Variants in CAPN13 observed in about 807,000 individuals in gnomAD.
CAPN13 encodes the protein calpain-13.
Under a neutral mutation model 98.4 loss-of-function variants are expected in CAPN13, and 90 were observed. The ratio of observed to expected loss-of-function variants is 0.92; its 90% CI spans 0.77 to 1.09. The LOEUF is 1.09. Ranked by LOEUF, CAPN13 falls within the 50% of genes least tolerant of loss-of-function variation. CAPN13 has a pLI of 0.00. For missense variants in CAPN13, 887 were observed against 841.3 expected (o/e 1.05, Z -0.67); for synonymous variants, 330 against 305.5 (o/e 1.08, Z -0.84).
chr2:30,787,766 G>T (rs1379293116), intron 1 of CAPN13, among the ~76,000 whole-genome samples: 3 of 152,288 alleles, frequency 2.0e-5, no homozygotes, highest in African/African-American at 7.2e-5. Context: ...TGGGATGGGG[G>T]CAGAGAGGGT....
Position 30,742,322 on chromosome 2 carries a change from C to T in CAPN13, c.1479+4G>A, listed in dbSNP as rs761885509. On this transcript the variant is annotated splice_donor_region_variant and intron_variant, in intron 14 of 22. Coordinates refer to ENST00000295055, the MANE Select transcript of CAPN13 (RefSeq NM_144575.3). Reference sequence around the variant, plus strand: ...TCGCCAGCCAAACCTTGCTGCATACCTACCTTCATTCTGAGGTTGAAATGG... The same window carrying T: ...TCGCCAGCCAAACCTTGCTGCATACTTACCTTCATTCTGAGGTTGAAATGG... 1.2e-6 allele frequency: 2 copies of T among 1,602,844 alleles called. No individual in the cohort carries two copies. The highest frequency in any genetic ancestry group is 1.3e-5 in the African/African-American group (1 of 74,756).
At chr2:30,738,777 G>A (rs1024099599) in intron 15 of CAPN13, among the ~76,000 whole-genome samples, 6 of 152,166 alleles carry the variant, frequency 3.9e-5, no homozygotes, top group African/African-American at 1.4e-4. Flanking sequence ...CTCAGGGTAA[G>A]TACTGTTGAA....
chr2:30,734,539 G>A lies in CAPN13; in HGVS notation c.1723-15C>T. 6.2e-7 allele frequency: 1 copy of A among 1,606,022 alleles called. No homozygotes were observed. The highest frequency in any genetic ancestry group is 8.5e-7 in the Non-Finnish European group (1 of 1,172,806). On this transcript the variant is annotated splice_polypyrimidine_tract_variant and intron_variant, in intron 18 of 22. Coordinates refer to ENST00000295055, the MANE Select transcript of CAPN13 (RefSeq NM_144575.3). ...TGGAAAACATGCTAATAGGGGAAGA[G>A]AAGCAAGAAGTCTGTGTGAAGACTG... is the stretch of plus-strand genomic sequence containing the variant.
intron 2 of CAPN13, among the ~76,000 whole-genome samples, chr2:30,780,323 G>C (rs1426673264): frequency 6.6e-6 from 1 of 152,206 alleles, no homozygotes; most frequent in Non-Finnish European, 1.5e-5. Flanking sequence ...CCCAACCTGA[G>C]AGAAAACACA....
intron 11 of CAPN13, among the ~76,000 whole-genome samples, chr2:30,746,222 A>C (rs1468373260): frequency 6.6e-6 from 1 of 152,178 alleles, no homozygotes; most frequent in Non-Finnish European, 1.5e-5. Context: ...TTAAACACTG[A>C]CATATCACTG....
At position 30,761,793 on chromosome 2, in the gene CAPN13, A is replaced by T. The variant is rs558183766; in HGVS notation, c.774+1289T>A. ...ATACTGTCTTGGTTTTGTGATTGGG[A>T]CACCGATCAAACCATGAAACAATGG... On this transcript the variant is annotated intron_variant, in intron 7 of 22. Transcript: ENST00000295055. 6.6e-5 allele frequency among the ~76,000 whole-genome samples: 10 copies of T among 152,310 alleles called. No homozygotes were observed. In the South Asian group the frequency reaches 2.1e-3, roughly 32 times the overall value.
intron 7 of CAPN13, among the ~76,000 whole-genome samples, chr2:30,758,965 C>CCT (rs1491028277): frequency 7.9e-4 from 74 of 93,170 alleles, no homozygotes; most frequent in Non-Finnish European, 1.0e-3. Flanking sequence ...CTCCTTCCTT[C>CCT]TGTTTCTTTC....
chr2:30,734,179 C>T lies in CAPN13; in HGVS notation c.1798+270G>A, dbSNP rs78533573. 1.9e-3 allele frequency among the ~76,000 whole-genome samples: 289 copies of T among 152,304 alleles called. 1 individual carries two copies. The highest frequency in any genetic ancestry group is 6.7e-3 in the African/African-American group (278 of 41,570). On this transcript the variant is annotated intron_variant, in intron 19 of 22. Transcript: ENST00000295055. ...TCCTGATAGGGTATCAATCACGCAA[C>T]GGCTATTTTCTCACAATTAGAGCTG...
At chr2:30,749,874 A>G (rs1468761542) in intron 11 of CAPN13, among the ~76,000 whole-genome samples, 4 of 152,228 alleles carry the variant, frequency 2.6e-5, no homozygotes, top group Non-Finnish European at 5.9e-5. Flanking sequence ...AGCAGGGAGT[A>G]GAGAGATCAG....
At position 30,731,409 on chromosome 2, in the gene CAPN13, A is replaced by G. The variant is rs372604048; in HGVS notation, c.1928-10T>C. ...AGGTTGCGGAAGGTCTCTAGGATAAAGAAGGGAAGGTTTTGACTGACTGAG... is the reference window on the plus strand; with the variant it reads ...AGGTTGCGGAAGGTCTCTAGGATAAGGAAGGGAAGGTTTTGACTGACTGAG... On this transcript the variant is annotated splice_polypyrimidine_tract_variant and intron_variant, in intron 20 of 22. Transcript: ENST00000295055. 1.9e-6 allele frequency: 3 copies of G among 1,606,070 alleles called. No homozygotes were observed. The African/African-American group carries it at 4.0e-5, about 22-fold the overall frequency.
intron 4 of CAPN13, 147 bp from the exon 5 acceptor site, chr2:30,770,596 G>GC: frequency 1.1e-6 from 1 of 933,436 alleles, no homozygotes; most frequent in East Asian, 2.6e-5. Flanking sequence ...AGGTTGCCAG[G>GC]CAGGAGACAG....
At chr2:30,763,193 T>C in intron 6 of CAPN13, 37 bp from the exon 7 acceptor site, 1 of 1,566,620 alleles carries the variant, frequency 6.4e-7, no homozygotes, top group Non-Finnish European at 8.7e-7. Context: ...ATTAGACATC[T>C]ACAGGTTCTT....
Position 30,758,039 on chromosome 2 carries a change from G to A in CAPN13, c.866+7C>T. The A allele has an allele frequency of 1.3e-6, 2 of 1,599,878 alleles. No homozygotes were observed. Among genetic ancestry groups the A allele is most frequent in the Non-Finnish European group, 1.7e-6 (2 of 1,174,252 alleles). ...GAAGGATGGAGAGAGGTTTCCAGAA[G>A]CCATACCCATCACTCCAGCGCCCTC... On this transcript the variant is annotated splice_region_variant and intron_variant, in intron 8 of 22. Transcript: ENST00000295055.
chr2:30,757,754 A>G (rs1239828238), intron 8 of CAPN13, among the ~76,000 whole-genome samples: 1 of 152,188 alleles, frequency 6.6e-6, no homozygotes, highest in Non-Finnish European at 1.5e-5. Context: ...TCCCTGCTGT[A>G]GACTGTAACC....
rs1440727609 is a variant in CAPN13 at position 30,775,949 on chromosome 2, G to A, written c.368C>T (p.Ala123Val). 15 of 1,609,802 alleles carry A rather than the reference G, an allele frequency of 9.3e-6. No individual in the cohort carries two copies. The highest frequency in any genetic ancestry group is 1.3e-5 in the African/African-American group (1 of 74,784). ...ACGTACCCGGAAACGGAAAATGCCA[G>A]CATACTGGTGTGAAAAGCTTTGGAC... ...LMVQSFSHQYAGIFRFRFWQC... is the reference protein window; with the variant it reads ...LMVQSFSHQYVGIFRFRFWQC... Residue 123 changes from alanine to valine, a missense_variant, in exon 4 of 23, where the codon GCT becomes GTT. By Grantham distance (64) the Ala-to-Val change is moderately conservative. Coordinates refer to ENST00000295055, the MANE Select transcript of CAPN13 (RefSeq NM_144575.3).
chr2:30,743,174 T>C (rs1243355796), intron 13 of CAPN13: 2 of 590,574 alleles, frequency 3.4e-6, no homozygotes, highest in African/African-American at 1.9e-5. Flanking sequence ...CATCTGGCAA[T>C]GGACCCATCC....
At position 30,738,393 on chromosome 2, in the gene CAPN13, C is replaced by T; in HGVS notation, c.1594+7G>A. On this transcript the variant is annotated splice_region_variant and intron_variant, in intron 16 of 22. Coordinates refer to ENST00000295055, the MANE Select transcript of CAPN13 (RefSeq NM_144575.3). ...ATGGGGCCAGCTTGCCCTTGGGCTGCTCATACCTGTTAGAAGCTCCTGGTT... is the reference window on the plus strand; with the variant it reads ...ATGGGGCCAGCTTGCCCTTGGGCTGTTCATACCTGTTAGAAGCTCCTGGTT... 6.2e-7 allele frequency: 1 copy of T among 1,609,490 alleles called. No homozygotes were observed. Among genetic ancestry groups the T allele is most frequent in the Non-Finnish European group, 8.5e-7 (1 of 1,177,636 alleles).
chr2:30,806,931 C>T (rs1675663225), intron 1 of CAPN13, among the ~76,000 whole-genome samples: 1 of 152,178 alleles, frequency 6.6e-6, no homozygotes, highest in South Asian at 2.1e-4. Context: ...CATCAGTGCA[C>T]AAAGAAGACA....
intron 17 of CAPN13, chr2:30,737,033 A>C: frequency 6.0e-6 from 1 of 167,204 alleles, no homozygotes; most frequent in Non-Finnish European, 1.3e-5. Context: ...GGGTTCAGTG[A>C]TGACTAATGA....
Sources: gnomAD v4.1 joint callset for allele counts (sites outside exome capture counted in the v4.1 genomes callset) on GRCh38, gnomAD v4.1.1 for gene constraint, MANE v1.5 for transcripts, NCBI Gene and HGNC (gene_info 2026-07-23, HGNC 2026-07-21) for gene names.